Variants in KDM4C observed in about 807,000 individuals in gnomAD.
KDM4C encodes lysine-specific demethylase 4C.
In KDM4C, 81 loss-of-function variants were observed where a neutral mutation model predicts 129.3. The observed-to-expected ratio is 0.63, with a 90% CI of 0.52 to 0.75. The LOEUF is 0.75. Among genes scored for constraint, KDM4C ranks in the 30% least tolerant of loss-of-function variants. The probability of loss-of-function intolerance (pLI) is 0.00; values close to 1 mark genes in which losing one functional copy is unlikely to be tolerated. For synonymous variants in KDM4C, 573 were observed against 456.1 expected (o/e 1.26, Z -3.26); for missense variants, 1,457 against 1,304.0 (o/e 1.12, Z -1.81).
intron 5 of KDM4C, among the ~76,000 whole-genome samples, chr9:6,865,254 C>A (rs991751324): frequency 7.9e-5 from 12 of 152,072 alleles, no homozygotes; most frequent in African/African-American, 2.9e-4. Context: ...GTGATCCGAC[C>A]GCCTTGGCCT....
intron 8 of KDM4C, among the ~76,000 whole-genome samples, chr9:6,952,256 A>C (rs1172373428): frequency 6.6e-6 from 1 of 152,174 alleles, no homozygotes; most frequent in East Asian, 1.9e-4. Flanking sequence ...CAGCAAAGCA[A>C]AGCAACCTGA....
At chr9:7,173,721 C>T (rs1845184459) in intron 21 of KDM4C, among the ~76,000 whole-genome samples, 1 of 152,046 alleles carries the variant, frequency 6.6e-6, no homozygotes, top group African/African-American at 2.4e-5. Flanking sequence ...CATGGTGGTG[C>T]CTTTTATGGA....
At chr9:6,754,447 A>T (rs1818179156), upstream of KDM4C, among the ~76,000 whole-genome samples, 1 of 152,104 alleles carries the variant, frequency 6.6e-6, no homozygotes, top group African/African-American at 2.4e-5. Flanking sequence ...TCCTGACCTT[A>T]GGTGATATGC....
intron 8 of KDM4C, among the ~76,000 whole-genome samples, chr9:6,905,670 A>G (rs1818189119): frequency 6.6e-6 from 1 of 152,218 alleles, no homozygotes; most frequent in Admixed American, 6.5e-5. Flanking sequence ...ATAGCAGGGT[A>G]TCTTAAATGG....
In KDM4C at chr9:6,974,405, G is replaced by GCA. The variant is rs578200477; in HGVS notation, c.922-6519_922-6518insAC. Reference sequence around the variant, plus strand: ...GACGGAGTCTTACTCTGTCGTCCAGGCTGGAGTGCAGTTGTGCGACCGCGG... The same window carrying GCA: ...GACGGAGTCTTACTCTGTCGTCCAGGCACTGGAGTGCAGTTGTGCGACCGCGG... On this transcript the variant is annotated intron_variant, in intron 8 of 21. Transcript: ENST00000381309. Among the ~76,000 whole-genome samples the GCA allele has an allele frequency of 2.6e-3, 397 of 152,286 alleles. 1 individual carries two copies. Among genetic ancestry groups the GCA allele is most frequent in the African/African-American group, 9.1e-3 (377 of 41,554 alleles).
chr9:6,806,453 CAT>C (rs1829976469), intron 3 of KDM4C, among the ~76,000 whole-genome samples: 1 of 151,920 alleles, frequency 6.6e-6, no homozygotes, highest in Non-Finnish European at 1.5e-5. Context: ...GAGATCACGC[CAT>C]TGCACTCCAG....
At chr9:6,756,580 G>T (rs1047635252), upstream of KDM4C, among the ~76,000 whole-genome samples, 1 of 152,216 alleles carries the variant, frequency 6.6e-6, no homozygotes, top group African/African-American at 2.4e-5. Flanking sequence ...AGCTGGGCGT[G>T]GTGGCGGGCG....
chr9:7,130,998 G>A (rs1218692546), intron 19 of KDM4C, among the ~76,000 whole-genome samples: 2 of 151,492 alleles, frequency 1.3e-5, no homozygotes, highest in Non-Finnish European at 2.9e-5. Context: ...CAAACTCTTG[G>A]GCTCAAGTGA....
rs1360144558 is a variant in KDM4C, at chr9:7,174,542, G to A, written c.2995-11G>A. The A allele has an allele frequency of 1.2e-6, 2 of 1,613,530 alleles. No individual in the cohort carries two copies. The highest frequency in any genetic ancestry group is 1.3e-5 in the African/African-American group (1 of 75,024). On this transcript the variant is annotated splice_polypyrimidine_tract_variant and intron_variant, in intron 21 of 21. Transcript: ENST00000381309. ...CGTGCCCTTTTGCAATATAACACCA[G>A]CTGCTTTTAGTCCACAGCCTCTGAC...
At chr9:7,123,918 C>G (rs1284566369) in intron 18 of KDM4C, among the ~76,000 whole-genome samples, 2 of 152,158 alleles carry the variant, frequency 1.3e-5, no homozygotes, top group East Asian at 3.9e-4. Flanking sequence ...GTGCTGCCCA[C>G]TCATCCATGC....
At chr9:6,854,803 C>G (rs145609554) in intron 5 of KDM4C, among the ~76,000 whole-genome samples, 71 of 152,304 alleles carry the variant, frequency 4.7e-4, no homozygotes, top group African/African-American at 1.5e-3. Flanking sequence ...AATGCTTTCT[C>G]ATTAGAACTT....
chr9:6,909,528 C>G (rs753038792), intron 8 of KDM4C, among the ~76,000 whole-genome samples: 7 of 152,066 alleles, frequency 4.6e-5, no homozygotes, highest in Non-Finnish European at 8.8e-5. Flanking sequence ...GTAGGTGGGT[C>G]TTTGCCACTG....
intron 17 of KDM4C, among the ~76,000 whole-genome samples, chr9:7,067,952 C>T (rs4742303): frequency 6.6e-5 from 10 of 151,848 alleles, no homozygotes; most frequent in Admixed American, 2.6e-4. Context: ...GCCACCACCA[C>T]GCATGGCTAA....
At chr9:6,725,614 A>C (rs2996062) in intron 1 of KDM4C, among the ~76,000 whole-genome samples, 84,025 of 151,380 alleles carry the variant, frequency 0.56, 23,519 homozygotes, top group African/African-American at 0.65. Flanking sequence ...CAGCCTCCCA[A>C]GTAGCTGGGA....
intron 1 of KDM4C, among the ~76,000 whole-genome samples, chr9:6,785,273 A>T (rs1261036172): frequency 6.6e-6 from 1 of 150,940 alleles, no homozygotes; most frequent in East Asian, 1.9e-4. Context: ...TTGCAGCTGC[A>T]TGACTCTAGT....
chr9:6,981,134 C>G lies in KDM4C; in HGVS notation c.1115+16C>G. On this transcript the variant is annotated intron_variant, in intron 9 of 21. Coordinates refer to ENST00000381309, the MANE Select transcript of KDM4C (RefSeq NM_015061.6). Reference sequence around the variant, plus strand: ...CATCCCGAAGGTAATGACCCCTCACCCCACTGACCTGCCTTGCCTGTCGTG... The same window carrying G: ...CATCCCGAAGGTAATGACCCCTCACGCCACTGACCTGCCTTGCCTGTCGTG... The G allele has an allele frequency of 6.3e-6, 10 of 1,589,766 alleles. No homozygotes were observed. Among genetic ancestry groups the G allele is most frequent in the Non-Finnish European group, 8.6e-6 (10 of 1,169,508 alleles).
At chr9:6,917,521 T>G (rs982080087) in intron 8 of KDM4C, among the ~76,000 whole-genome samples, 4 of 152,226 alleles carry the variant, frequency 2.6e-5, no homozygotes, top group African/African-American at 9.6e-5. Context: ...TTGTTCAACT[T>G]AGCTATTTCT....
At chr9:6,853,989 C>G (rs1323324088) in intron 5 of KDM4C, among the ~76,000 whole-genome samples, 1 of 152,036 alleles carries the variant, frequency 6.6e-6, no homozygotes, top group Non-Finnish European at 1.5e-5. Flanking sequence ...AAGTATTATA[C>G]AAATACTCAT....
chr9:7,164,958 G>A (rs1009670150), intron 19 of KDM4C, among the ~76,000 whole-genome samples: 1 of 152,072 alleles, frequency 6.6e-6, no homozygotes, highest in African/African-American at 2.4e-5. Flanking sequence ...GCATATTTTA[G>A]TTACCCCCTA....
Sources: gnomAD v4.1 joint callset for allele counts (sites outside exome capture counted in the v4.1 genomes callset) on GRCh38, gnomAD v4.1.1 for gene constraint, MANE v1.5 for transcripts, NCBI Gene and HGNC (gene_info 2026-07-23, HGNC 2026-07-21) for gene names.